TXK: variants seen among roughly 807,000 people sequenced by gnomAD.
TXK encodes TXK tyrosine kinase.
A neutral mutation model predicts 81.0 loss-of-function variants in TXK; 60 were observed. The ratio of observed to expected loss-of-function variants is 0.74; its 90% CI spans 0.60 to 0.92. The LOEUF is 0.92. TXK is among the 40% of genes least tolerant of loss of function. TXK has a pLI of 0.00. For synonymous variants in TXK, 203 were observed against 210.7 expected (o/e 0.96, Z 0.32); for missense variants, 581 against 638.3 (o/e 0.91, Z 0.97).
At chr4:48,070,753 AT>A in intron 14 of TXK, among the ~76,000 whole-genome samples, 1 of 151,702 alleles carries the variant, frequency 6.6e-6, no homozygotes, top group East Asian at 1.9e-4. Context: ...TAATTTTTGT[AT>A]TTTTAGTAGA....
At position 48,094,315 on chromosome 4, in the gene TXK, A is replaced by T. The variant is rs1304657772; in HGVS notation, c.582-111T>A. 1.1e-5 allele frequency: 13 copies of T among 1,205,972 alleles called. No homozygotes were observed. In the East Asian group the frequency reaches 3.2e-4, roughly 29 times the overall value. The allele number at this position is 1,205,972 out of a possible 1,614,324, so 74.7% of individuals were successfully genotyped here. On this transcript the variant is annotated intron_variant, in intron 7 of 14. Coordinates refer to ENST00000264316, the MANE Select transcript of TXK (RefSeq NM_003328.3). ...CTAAAACTCATCCTAGCAACACTAC[A>T]CTGAGAAGTAGATTGGCTAAATTCA...
At chr4:48,087,923 T>C (rs1717598085) in intron 9 of TXK, among the ~76,000 whole-genome samples, 1 of 152,146 alleles carries the variant, frequency 6.6e-6, no homozygotes, top group Non-Finnish European at 1.5e-5. Context: ...TTCTAAAATA[T>C]ACAACCAACA....
At position 48,104,882 on chromosome 4, in the gene TXK, C is replaced by A; in HGVS notation, c.501+19G>T. On this transcript the variant is annotated intron_variant, in intron 6 of 14. Transcript: ENST00000264316. ...ACTTCTCAGAGATTTTGAAAATGTC[C>A]ACAAATACATTGAATTACCTCTTGT... 6.3e-7 allele frequency: 1 copy of A among 1,576,572 alleles called. No individual in the cohort carries two copies. Among genetic ancestry groups the A allele is most frequent in the South Asian group, 1.2e-5 (1 of 83,946 alleles).
chr4:48,094,955 A>G (rs2109435819), intron 7 of TXK, among the ~76,000 whole-genome samples, 188 bp downstream of exon 7: 1 of 152,328 alleles, frequency 6.6e-6, no homozygotes, highest in South Asian at 2.1e-4. Context: ...GAAAAGGAAG[A>G]CGGGAGAGGT....
intron 12 of TXK, among the ~76,000 whole-genome samples, chr4:48,075,599 G>A (rs142464038): frequency 3.8e-4 from 58 of 152,136 alleles, no homozygotes; most frequent in African/African-American, 1.3e-3. Flanking sequence ...GCAGTGAGCC[G>A]AGAGAGCACC....
chr4:48,098,496 G>A (rs1718069296), intron 6 of TXK, among the ~76,000 whole-genome samples: 1 of 152,046 alleles, frequency 6.6e-6, no homozygotes, highest in Non-Finnish European at 1.5e-5. Context: ...AAAACCACAC[G>A]AACATCCCTA....
chr4:48,089,077 G>T (rs913699418), intron 9 of TXK, among the ~76,000 whole-genome samples: 4 of 152,148 alleles, frequency 2.6e-5, no homozygotes, highest in Non-Finnish European at 5.9e-5. Flanking sequence ...ACTTTCAGCA[G>T]CTCTTTTTAG....
chr4:48,130,249 A>T (rs1242786267), intron 1 of TXK, among the ~76,000 whole-genome samples: 1 of 152,168 alleles, frequency 6.6e-6, no homozygotes, highest in Non-Finnish European at 1.5e-5. Flanking sequence ...TTGGAAACAA[A>T]TTATTCTGAG....
At chr4:48,124,487 A>G (rs1719035529) in intron 1 of TXK, among the ~76,000 whole-genome samples, 1 of 151,544 alleles carries the variant, frequency 6.6e-6, no homozygotes, top group African/African-American at 2.4e-5. Context: ...TGCCTGGCAC[A>G]TAACAAAAGC....
chr4:48,110,452 C>T (rs1173973878), intron 5 of TXK, 86 bp downstream of exon 5: 33 of 911,764 alleles, frequency 3.6e-5, no homozygotes, highest in East Asian at 7.7e-5. Context: ...CTTTTTTTTC[C>T]TTCTACAGAC....
At chr4:48,115,667 C>T (rs1718790842) in intron 1 of TXK, among the ~76,000 whole-genome samples, 1 of 152,022 alleles carries the variant, frequency 6.6e-6, no homozygotes, top group African/African-American at 2.4e-5. Flanking sequence ...GGCAACATGG[C>T]AGAACCCCAT....
chr4:48,132,718 G>A (rs934504803), intron 1 of TXK, among the ~76,000 whole-genome samples: 1 of 152,120 alleles, frequency 6.6e-6, no homozygotes, highest in Non-Finnish European at 1.5e-5. Context: ...GGGAGGCTGA[G>A]GCAAATCACT....
chr4:48,079,309 C>G (rs907957440), intron 11 of TXK, among the ~76,000 whole-genome samples: 14 of 152,216 alleles, frequency 9.2e-5, no homozygotes, highest in Admixed American at 2.0e-4. Flanking sequence ...AGGAGTCAGA[C>G]AGCTGGAGGC....
chr4:48,077,045 T>C (rs535669201), intron 11 of TXK, among the ~76,000 whole-genome samples: 52 of 152,322 alleles, frequency 3.4e-4, no homozygotes, highest in Non-Finnish European at 6.0e-4. Context: ...AGATAAGGCA[T>C]AGTCATTTTA....
chr4:48,123,188 T>C (rs1339161523), intron 1 of TXK, among the ~76,000 whole-genome samples: 1 of 152,212 alleles, frequency 6.6e-6, no homozygotes, highest in Non-Finnish European at 1.5e-5. Flanking sequence ...TCAAAACTTA[T>C]ATAAAGAAAA....
intron 11 of TXK, among the ~76,000 whole-genome samples, chr4:48,077,841 G>A (rs753820709): frequency 6.6e-6 from 1 of 152,082 alleles, no homozygotes; most frequent in Non-Finnish European, 1.5e-5. Flanking sequence ...TATGAGGAAG[G>A]TGCTATAATT....
At chr4:48,102,124 G>A (rs988580302) in intron 6 of TXK, among the ~76,000 whole-genome samples, 50 of 152,052 alleles carry the variant, frequency 3.3e-4, no homozygotes, top group African/African-American at 1.1e-3. Flanking sequence ...GATTAGAGGC[G>A]CCCGCCACCA....
chr4:48,073,370 G>A (rs927756503), intron 13 of TXK, among the ~76,000 whole-genome samples: 2 of 152,044 alleles, frequency 1.3e-5, no homozygotes, highest in African/African-American at 4.8e-5. Flanking sequence ...AAACTTCATT[G>A]GACGTGGGTC....
intron 1 of TXK, among the ~76,000 whole-genome samples, chr4:48,115,374 A>G (rs1451003785): frequency 1.3e-5 from 2 of 152,284 alleles, no homozygotes; most frequent in East Asian, 1.9e-4. Flanking sequence ...TGCAAAGGAC[A>G]TGAACTCATT....
Sources: gnomAD v4.1 joint callset for allele counts (sites outside exome capture counted in the v4.1 genomes callset) on GRCh38, gnomAD v4.1.1 for gene constraint, MANE v1.5 for transcripts, NCBI Gene and HGNC (gene_info 2026-07-23, HGNC 2026-07-21) for gene names.